Variants in APOOL observed in about 807,000 individuals in gnomAD.
APOOL encodes MICOS complex subunit MIC27.
In APOOL, 12 loss-of-function variants were observed where a neutral mutation model predicts 23.1. The observed-to-expected ratio is 0.52, with a 90% confidence interval of 0.33 to 0.84. APOOL has a LOEUF of 0.84. Ranked by LOEUF, APOOL falls within the 40% of genes least tolerant of loss-of-function variation. The pLI is 0.02. For synonymous variants in APOOL, 77 were observed against 69.9 expected (o/e 1.10, Z -0.51); for missense variants, 212 against 199.6 (o/e 1.06, Z -0.37).
intron 5 of APOOL, among the ~76,000 whole-genome samples, chrX:85,058,141 C>G (rs1243895964): frequency 9.0e-6 from 1 of 110,774 alleles, no homozygotes; most frequent in Non-Finnish European, 1.9e-5. Context: ...AAATGTGTGC[C>G]ATGATGGTTT....
chrX:85,062,218 G>T (rs1923256156), intron 5 of APOOL, among the ~76,000 whole-genome samples: 2 of 110,557 alleles, frequency 1.8e-5, no homozygotes, highest in Non-Finnish European at 1.9e-5. Context: ...GGGGTTCTTA[G>T]TTTTTTTTCT....
chrX:85,051,692 T>C (rs1922786489), intron 3 of APOOL, among the ~76,000 whole-genome samples, 184 bp downstream of exon 3: 1 of 112,255 alleles, frequency 8.9e-6, no homozygotes, highest in Admixed American at 9.5e-5. Context: ...GTCTGTTGCA[T>C]GTGGCATTGA....
intron 7 of APOOL, 32 bp downstream of exon 7, chrX:85,074,143 T>A: frequency 8.7e-7 from 1 of 1,148,909 alleles, no homozygotes; most frequent in Admixed American, 2.6e-5. Flanking sequence ...ACGGTCAACA[T>A]TGAGTTTTGT....
chrX:85,005,285 A>G (rs1174531845), intron 1 of APOOL, among the ~76,000 whole-genome samples: 5 of 108,882 alleles, frequency 4.6e-5, no homozygotes, highest in Non-Finnish European at 9.5e-5. Flanking sequence ...CTGGGACTAC[A>G]GGCGCATGCC....
At chrX:85,079,267 C>T (rs1923987231) in intron 8 of APOOL, among the ~76,000 whole-genome samples, 1 of 111,441 alleles carries the variant, frequency 9.0e-6, no homozygotes, top group Non-Finnish European at 1.9e-5. Flanking sequence ...TATGTTCCAT[C>T]AATGTCTAGT....
chrX:85,067,431 G>A (rs3213525), intron 6 of APOOL, among the ~76,000 whole-genome samples: 4,972 of 111,094 alleles, frequency 0.045, 245 homozygotes, highest in African/African-American at 0.15. Flanking sequence ...ACAATGTAAA[G>A]GCAGATTTGA....
Position 85,074,483 on chromosome X carries a change from C to T in APOOL, c.718+92C>T, listed in dbSNP as rs936664658. Reference sequence around the variant, plus strand: ...GTGGTTTGAACTTAAGATGTGTTCTCCCCATAAATATTTTGTCTTTCTCAT... The same window carrying T: ...GTGGTTTGAACTTAAGATGTGTTCTTCCCATAAATATTTTGTCTTTCTCAT... On this transcript the variant is annotated intron_variant, in intron 8 of 8. Coordinates refer to ENST00000373173, the MANE Select transcript of APOOL (RefSeq NM_198450.6). 3.0e-6 allele frequency: 3 copies of T among 993,322 alleles called. No individual in the cohort carries two copies. The African/African-American group carries it at 5.8e-5, about 19-fold the overall frequency. 81.9% of individuals were successfully genotyped at this position (993,322 alleles called of 1,213,427 possible). A position where few individuals can be genotyped will look rare whatever the true frequency, so the allele number is the denominator to read the frequency against.
intron 1 of APOOL, among the ~76,000 whole-genome samples, chrX:85,008,571 G>GTGTGTGTGTT (rs1415055003): frequency 9.2e-6 from 1 of 109,130 alleles, no homozygotes; most frequent in Non-Finnish European, 1.9e-5. Context: ...GTGTGTGTGT[G>GTGTGTGTGTT]TGTATACCAC....
Position 85,069,812 on chromosome X carries a change from T to C in APOOL, c.486+2594T>C, listed in dbSNP as rs186596127. On this transcript the variant is annotated intron_variant, in intron 6 of 8. Transcript: ENST00000373173. ...GTTAAAAACATTAAAAAAAATTGAG[T>C]GCAGAATCCTTTTAGATGTTTATTT... Among the ~76,000 whole-genome samples, 677 of 110,136 alleles carry C rather than the reference T, an allele frequency of 6.1e-3. 4 individuals carry two copies. Among genetic ancestry groups the C allele is most frequent in the African/African-American group, 0.021 (651 of 30,326 alleles).
At chrX:85,085,767 A>G (rs769862926) in intron 8 of APOOL, among the ~76,000 whole-genome samples, 11 of 112,329 alleles carry the variant, frequency 9.8e-5, no homozygotes, top group African/African-American at 3.5e-4. Context: ...TCTCTTGCCT[A>G]CTTACCATGC....
Position 85,046,538 on chromosome X carries a change from G to C in APOOL, c.108G>C (p.Val36=). 8.3e-7 allele frequency: 1 copy of C among 1,205,191 alleles called. No homozygotes were observed. Among genetic ancestry groups the C allele is most frequent in the Non-Finnish European group, 1.1e-6 (1 of 890,689 alleles). Residue 36 remains valine (V), a synonymous_variant, in exon 2 of 9, where the codon GTG becomes GTC. Transcript: ENST00000373173. ...AAGAGGAATCCAAAAAGCAGCTAGT[G>C]AAACCAGAGCAGGTAATTTGCCTAC... ...AKQEESKKQL[V]KPEQLPIYTA...
intron 4 of APOOL, 130 bp downstream of exon 4, chrX:85,054,528 A>G (rs1360179008): frequency 5.0e-6 from 2 of 397,473 alleles, no homozygotes; most frequent in Admixed American, 1.5e-4. Flanking sequence ...CTCTATAGCA[A>G]TTTATTGATT....
At chrX:85,015,065 C>T (rs1340956848) in intron 1 of APOOL, among the ~76,000 whole-genome samples, 1 of 110,478 alleles carries the variant, frequency 9.1e-6, no homozygotes, top group African/African-American at 3.3e-5. Flanking sequence ...ATTCGAAAGC[C>T]TTGTCTTCGA....
rs376851802 is a variant in APOOL at position 85,022,259 on chromosome X, A to C, written c.15+18332A>C. Among the ~76,000 whole-genome samples the C allele has an allele frequency of 1.2e-4, 14 of 112,526 alleles. No individual in the cohort carries two copies. The South Asian group carries it at 1.8e-3, about 15-fold the overall frequency. ...TACAAGGCCAGCATTACCATGATAC[A>C]AAAGCCAGACAAGGATACAACAAGA... On this transcript the variant is annotated intron_variant, in intron 1 of 8. Coordinates refer to ENST00000373173, the MANE Select transcript of APOOL (RefSeq NM_198450.6).
intron 1 of APOOL, among the ~76,000 whole-genome samples, chrX:85,026,891 G>A (rs1921864479): frequency 1.8e-5 from 2 of 111,509 alleles, no homozygotes; most frequent in East Asian, 5.6e-4. Flanking sequence ...TATTTTCTGA[G>A]CCCTCCACAC....
At chrX:85,060,915 G>A (rs918010820) in intron 5 of APOOL, among the ~76,000 whole-genome samples, 17 of 111,041 alleles carry the variant, frequency 1.5e-4, no homozygotes, top group Non-Finnish European at 2.8e-4. Flanking sequence ...TTCCAACACT[G>A]TGTTGAACAG....
chrX:85,062,687 G>A (rs1480625999), intron 5 of APOOL, among the ~76,000 whole-genome samples: 1 of 109,931 alleles, frequency 9.1e-6, no homozygotes, highest in Non-Finnish European at 1.9e-5. Context: ...GTAGATGTGC[G>A]GTTTTAGTTC....
intron 1 of APOOL, among the ~76,000 whole-genome samples, chrX:85,005,246 C>G (rs772027372): frequency 1.4e-4 from 16 of 110,717 alleles, no homozygotes; most frequent in Non-Finnish European, 2.8e-4. Context: ...CGGGTTCAGG[C>G]GATTCTCCTG....
intron 1 of APOOL, among the ~76,000 whole-genome samples, chrX:85,046,058 A>G (rs1182509270): frequency 9.0e-6 from 1 of 111,362 alleles, no homozygotes; most frequent in Non-Finnish European, 1.9e-5. Context: ...TATTCTAAGC[A>G]CTAAGACCAG....
Sources: allele counts gnomAD v4.1 joint callset (sites outside exome capture counted in the v4.1 genomes callset), GRCh38; gene constraint gnomAD v4.1.1; transcripts MANE v1.5; gene names NCBI Gene and HGNC (gene_info 2026-07-23, HGNC 2026-07-21).